Variants in ERBIN observed in about 807,000 individuals in gnomAD.
ERBIN encodes the protein densin-180-like protein.
In ERBIN, 60 loss-of-function variants were observed where a neutral mutation model predicts 158.4. The observed-to-expected ratio is 0.38, with a 90% CI of 0.31 to 0.47. The LOEUF is 0.47. Among genes scored for constraint, ERBIN ranks in the 20% least tolerant of loss-of-function variants. ERBIN has a pLI of 0.99. For synonymous variants in ERBIN, 594 were observed against 557.2 expected, an observed-to-expected ratio of 1.07 and a Z score of -0.93; for missense variants, 1,610 against 1,648.0, an observed-to-expected ratio of 0.98 and a Z score of 0.40.
Position 66,082,023 on chromosome 5 carries a change from T to C in ERBIN, c.*3493T>C, listed in dbSNP as rs1762408085. On this transcript the variant is annotated 3_prime_UTR_variant, in exon 26 of 26. Transcript: ENST00000284037. ...ATTCTACCTAAAGCTGCTAATTCTT[T>C]ACAGAATTCATAAGCCCAGGGGATA... 6.6e-6 allele frequency: 1 copy of C among 152,158 alleles called. No individual in the cohort carries two copies. The highest frequency in any genetic ancestry group is 1.5e-5 in the Non-Finnish European group (1 of 68,016). The allele number at this position is 152,158 out of a possible 1,614,324, so 9.4% of individuals were successfully genotyped here.
intron 1 of ERBIN, among the ~76,000 whole-genome samples, chr5:65,946,685 T>C (rs1481796069): frequency 6.6e-6 from 1 of 152,196 alleles, no homozygotes; most frequent in Non-Finnish European, 1.5e-5. Flanking sequence ...GGATAGAAAC[T>C]GCCAAAGAGT....
intron 7 of ERBIN, among the ~76,000 whole-genome samples, chr5:66,017,266 TC>T (rs1272294205): frequency 6.6e-6 from 1 of 152,270 alleles, no homozygotes; most frequent in East Asian, 1.9e-4. Flanking sequence ...TTTAGGAACT[TC>T]TATACTGTTC....
chr5:65,998,786 A>C (rs1267263436), intron 4 of ERBIN, among the ~76,000 whole-genome samples: 2 of 151,116 alleles, frequency 1.3e-5, no homozygotes, highest in Non-Finnish European at 2.9e-5. Flanking sequence ...GGTTCCGACT[A>C]CTTCAGGCTG....
chr5:66,021,624 A>AC (rs372878840), intron 8 of ERBIN, among the ~76,000 whole-genome samples: 8,750 of 152,100 alleles, frequency 0.058, 878 homozygotes, highest in African/African-American at 0.2. Context: ...TGGAAGAGAT[A>AC]CTAAACAATT....
intron 1 of ERBIN, among the ~76,000 whole-genome samples, chr5:65,942,666 TGTAATCCCA>T (rs1745200220): frequency 1.3e-5 from 2 of 152,262 alleles, no homozygotes; most frequent in African/African-American, 4.8e-5. Context: ...GGCTCATGCC[TGTAATCCCA>T]GCACTTTGGG....
intron 1 of ERBIN, among the ~76,000 whole-genome samples, chr5:65,938,579 GTCT>G (rs1383162048): frequency 6.6e-6 from 1 of 152,012 alleles, no homozygotes; most frequent in Non-Finnish European, 1.5e-5. Flanking sequence ...TTGAGACGGA[GTCT>G]TCCTCTGTCA....
intron 5 of ERBIN, among the ~76,000 whole-genome samples, chr5:66,012,809 A>G (rs1445030714): frequency 1.3e-5 from 2 of 152,220 alleles, no homozygotes; most frequent in East Asian, 3.8e-4. Context: ...ATAATCAACA[A>G]AAAATAGAAG....
intron 1 of ERBIN, among the ~76,000 whole-genome samples, chr5:65,966,971 A>T (rs1049441777): frequency 3.9e-5 from 6 of 152,122 alleles, no homozygotes; most frequent in Non-Finnish European, 5.9e-5. Flanking sequence ...AAAAAAGCAT[A>T]TAAAATAAGG....
In ERBIN at chr5:65,926,681, G is replaced by A. The variant is rs1742687332; in HGVS notation, c.-183G>A. ...GCCACCTACTCTTCTTCTGTGGGAG[G>A]CCAGTCCACATCCGCTCTCACCCGA... On this transcript the variant is annotated 5_prime_UTR_variant, in exon 1 of 26. Coordinates refer to ENST00000284037, the MANE Select transcript of ERBIN (RefSeq NM_001253697.2). 1 of 151,996 alleles carries A rather than the reference G, an allele frequency of 6.6e-6. No individual in the cohort carries two copies. Among genetic ancestry groups the A allele is most frequent in the Non-Finnish European group, 1.5e-5 (1 of 68,022 alleles). The allele number at this position is 151,996 out of a possible 1,614,324, so 9.4% of individuals were successfully genotyped here.
At chr5:66,034,746 T>G (rs1435493459) in intron 14 of ERBIN, among the ~76,000 whole-genome samples, 2 of 152,190 alleles carry the variant, frequency 1.3e-5, no homozygotes, top group African/African-American at 4.8e-5. Flanking sequence ...ACTCCACAAG[T>G]TTGTGGTGAT....
chr5:66,078,613 T>C lies in ERBIN; in HGVS notation c.*83T>C, dbSNP rs1762226242. 1.2e-6 allele frequency: 1 copy of C among 835,014 alleles called. No individual in the cohort carries two copies. Among genetic ancestry groups the C allele is most frequent in the African/African-American group, 1.7e-5 (1 of 57,320 alleles). 51.7% of individuals were successfully genotyped at this position (835,014 alleles called of 1,614,324 possible). ...GGGAAATTAATATTTTGACTATTTT[T>C]ATATATAAAGAAGAACTCAAAAAAT... On this transcript the variant is annotated 3_prime_UTR_variant, in exon 26 of 26. Transcript: ENST00000284037.
chr5:66,046,280 A>G, intron 17 of ERBIN, 73 bp from the exon 18 acceptor site: 2 of 963,016 alleles, frequency 2.1e-6, no homozygotes, highest in Non-Finnish European at 2.9e-6. Flanking sequence ...ATTGCTTACA[A>G]ATTTTTATCT....
At chr5:66,071,787 G>T (rs760033036) in intron 21 of ERBIN, among the ~76,000 whole-genome samples, 9 of 147,988 alleles carry the variant, frequency 6.1e-5, no homozygotes, top group Non-Finnish European at 1.3e-4. Context: ...GTTTTAGTTG[G>T]TCTTAAAATT....
chr5:65,960,622 GA>G (rs1454237200), intron 1 of ERBIN, among the ~76,000 whole-genome samples: 1 of 152,168 alleles, frequency 6.6e-6, no homozygotes, highest in Non-Finnish European at 1.5e-5. Context: ...TTTGCCCTTG[GA>G]TGTAGGCTCT....
At chr5:66,060,169 G>A (rs1760110795) in intron 21 of ERBIN, among the ~76,000 whole-genome samples, 2 of 152,102 alleles carry the variant, frequency 1.3e-5, no homozygotes, top group Admixed American at 1.3e-4. Context: ...ATGTGGTCCT[G>A]GACTTTTTTT....
intron 7 of ERBIN, among the ~76,000 whole-genome samples, chr5:66,018,466 A>AATTATATATTATATATTATATATTATAT (rs1755078520): frequency 3.6e-4 from 2 of 5,498 alleles, no homozygotes; most frequent in Non-Finnish European, 7.1e-4. Flanking sequence ...ATATTATATA[A>AATTATATATTATATATTATATATTATAT]TATATATTAT....
At chr5:66,028,063 A>T (rs1258039252) in intron 13 of ERBIN, among the ~76,000 whole-genome samples, 1 of 152,042 alleles carries the variant, frequency 6.6e-6, no homozygotes, top group Non-Finnish European at 1.5e-5. Flanking sequence ...TCAATTGAAG[A>T]ATTATATTTT....
chr5:66,018,534 ATATAATATATATT>A lies in ERBIN; in HGVS notation c.534-2787_534-2775del. ...TATATTATATAATATATATTATATT[ATATAATATATATT>A]ATATATTATATAATATATATTATAT... On this transcript the variant is annotated intron_variant, in intron 7 of 25. Transcript: ENST00000284037. Among the ~76,000 whole-genome samples, 2 of 9,138 alleles carry A rather than the reference ATATAATATATATT, an allele frequency of 2.2e-4. 1 individual carries two copies. The highest frequency in any genetic ancestry group is 1.1e-3 in the African/African-American group (2 of 1,830). The allele number at this position is 9,138 out of a possible 152,430, so 6.0% of individuals were successfully genotyped here. A position where few individuals can be genotyped will look rare whatever the true frequency, so the allele number is the denominator to read the frequency against.
In ERBIN at chr5:65,992,713, C is replaced by A. The variant is rs1580279644; in HGVS notation, c.-6C>A. On this transcript the variant is annotated 5_prime_UTR_variant, in exon 3 of 26. Transcript: ENST00000284037. ...TCTTTTTATTCGAATATTGCAGTGT[C>A]TAAAAATGACTACAAAACGAAGTTT... The A allele has an allele frequency of 1.9e-6, 3 of 1,583,792 alleles. No individual in the cohort carries two copies. The highest frequency in any genetic ancestry group is 3.4e-4 in the Middle Eastern group (2 of 5,942).
Sources: gnomAD v4.1 joint callset for allele counts (sites outside exome capture counted in the v4.1 genomes callset) on GRCh38, gnomAD v4.1.1 for gene constraint, MANE v1.5 for transcripts, NCBI Gene and HGNC (gene_info 2026-07-23, HGNC 2026-07-21) for gene names.